Variants in MBNL2 observed in about 807,000 individuals in gnomAD.
The protein encoded by MBNL2 is muscleblind like splicing regulator 2.
Under a neutral mutation model 41.9 loss-of-function variants are expected in MBNL2, and 17 were observed. That is an observed-to-expected ratio of 0.41 (90% CI 0.28 to 0.61). MBNL2 has a LOEUF of 0.61. Among genes scored for constraint, MBNL2 ranks in the 20% least tolerant of loss-of-function variants. MBNL2 has a pLI of 0.35. For synonymous variants in MBNL2, 195 were observed against 182.9 expected (o/e 1.07, Z -0.53); for missense variants, 336 against 505.6 (o/e 0.66, Z 3.22).
the MBNL2 span, among the ~76,000 whole-genome samples, chr13:97,205,398 A>T: frequency 6.6e-6 from 1 of 150,442 alleles, no homozygotes; most frequent in African/African-American, 2.4e-5. Flanking sequence ...TAAAAAAAAT[A>T]AAAAATAAAA....
At chr13:97,337,818 T>A (rs2061020232) in intron 3 of MBNL2, among the ~76,000 whole-genome samples, 1 of 152,150 alleles carries the variant, frequency 6.6e-6, no homozygotes, top group African/African-American at 2.4e-5. Flanking sequence ...TAGAAACAAA[T>A]TAATTCAGTC....
the MBNL2 span, among the ~76,000 whole-genome samples, chr13:97,187,376 T>C: frequency 6.6e-6 from 1 of 151,694 alleles, no homozygotes; most frequent in African/African-American, 2.4e-5. Flanking sequence ...TTTGTCTAAG[T>C]AGCAAGTCAC....
the MBNL2 span, among the ~76,000 whole-genome samples, chr13:97,168,055 T>A: frequency 6.6e-6 from 1 of 152,182 alleles, no homozygotes; most frequent in Non-Finnish European, 1.5e-5. Context: ...AACCTCTGCC[T>A]CCCAGTTTCA....
At chr13:97,149,216 C>T in the MBNL2 span, among the ~76,000 whole-genome samples, 1 of 152,196 alleles carries the variant, frequency 6.6e-6, no homozygotes, top group Admixed American at 6.5e-5. Context: ...CCTAAGGTAC[C>T]TTCTCACTAG....
At chr13:97,246,493 C>A (rs1053899059) in intron 1 of MBNL2, among the ~76,000 whole-genome samples, 1 of 152,036 alleles carries the variant, frequency 6.6e-6, no homozygotes, top group African/African-American at 2.4e-5. Context: ...GTCAGCAGTG[C>A]GTGTAAGAAA....
chr13:97,319,856 CTTCCGTGG>C (rs2059358112), intron 2 of MBNL2, among the ~76,000 whole-genome samples: 1 of 152,142 alleles, frequency 6.6e-6, no homozygotes, highest in Non-Finnish European at 1.5e-5. Flanking sequence ...TCTATTAAAT[CTTCCGTGG>C]GAAAAATCGG....
At chr13:97,281,772 C>T (rs1047452303) in intron 2 of MBNL2, among the ~76,000 whole-genome samples, 8 of 152,160 alleles carry the variant, frequency 5.3e-5, no homozygotes, top group Admixed American at 5.2e-4. Context: ...AGGTACTTTT[C>T]GTGCATTATC....
At chr13:97,380,630 A>G (rs1003516505) in intron 8 of MBNL2, among the ~76,000 whole-genome samples, 1 of 152,132 alleles carries the variant, frequency 6.6e-6, no homozygotes, top group Non-Finnish European at 1.5e-5. Context: ...CGATACACAA[A>G]TGTACAAATA....
chr13:97,211,837 G>T, the MBNL2 span, among the ~76,000 whole-genome samples: 1 of 152,204 alleles, frequency 6.6e-6, no homozygotes, highest in African/African-American at 2.4e-5. Context: ...GTCCTTGGGA[G>T]AATAGGCAGA....
At chr13:97,354,038 CCA>C in intron 5 of MBNL2, among the ~76,000 whole-genome samples, 1 of 107,676 alleles carries the variant, frequency 9.3e-6, no homozygotes, top group South Asian at 2.8e-4. Context: ...GGTCCTCAAT[CCA>C]AAAAAAAAAA....
At chr13:97,302,434 C>T (rs1457197040) in intron 2 of MBNL2, among the ~76,000 whole-genome samples, 3 of 152,134 alleles carry the variant, frequency 2.0e-5, no homozygotes, top group African/African-American at 4.8e-5. Flanking sequence ...AGCCTTGGAG[C>T]TCTCTGAGTA....
chr13:97,194,870 G>C, the MBNL2 span, among the ~76,000 whole-genome samples: 1 of 152,166 alleles, frequency 6.6e-6, no homozygotes, highest in African/African-American at 2.4e-5. Context: ...AAAAGGGAGA[G>C]GAACTCTCAT....
intron 2 of MBNL2, among the ~76,000 whole-genome samples, chr13:97,296,586 T>A (rs1228888668): frequency 1.3e-5 from 2 of 152,196 alleles, no homozygotes; most frequent in African/African-American, 2.4e-5. Flanking sequence ...GGCCCTTCAG[T>A]GAATCATCAT....
the MBNL2 span, among the ~76,000 whole-genome samples, chr13:97,174,844 G>GA: frequency 2.2e-4 from 32 of 147,620 alleles, no homozygotes; most frequent in Non-Finnish European, 3.8e-4. Flanking sequence ...CACTACCCTG[G>GA]AAAAAAAAAA....
chr13:97,177,630 TCAAA>T, the MBNL2 span, among the ~76,000 whole-genome samples: 1 of 152,162 alleles, frequency 6.6e-6, no homozygotes, highest in Non-Finnish European at 1.5e-5. Context: ...AAGAAAATCA[TCAAA>T]CAAATAATAT....
chr13:97,346,823 G>C lies in MBNL2; in HGVS notation c.560G>C (p.Arg187Pro). The change falls in exon 5 of 9, where the codon CGA becomes CCA. Residue 187 changes from arginine to proline, a missense_variant. By Grantham distance (103) the Arg-to-Pro change is moderately radical. Transcript: ENST00000679496. The surrounding 1 kb of genome is among the most constrained non-coding windows in gnomAD (Gnocchi z 4.2). ...TCTTAGGTATGCAGGGAGTTCCAGC[G>C]AGGAAACTGTGCCCGGGGAGAGACC... The part of the protein sequence containing the change: ...DKLEVCREFQ[R>P]GNCARGETDC... 1 of 1,614,008 alleles carries C rather than the reference G, an allele frequency of 6.2e-7. No homozygotes were observed. Among genetic ancestry groups the C allele is most frequent in the Non-Finnish European group, 8.5e-7 (1 of 1,179,908 alleles).
intron 2 of MBNL2, among the ~76,000 whole-genome samples, chr13:97,281,607 T>G (rs796204080): frequency 3.9e-5 from 6 of 152,358 alleles, no homozygotes; most frequent in African/African-American, 1.4e-4. Flanking sequence ...GTTCTTAAAT[T>G]GCTGCTGGGC....
chr13:97,236,131 A>T lies in MBNL2; in HGVS notation c.-605+13600A>T, dbSNP rs191366023. 7.3e-3 allele frequency among the ~76,000 whole-genome samples: 1,108 copies of T among 151,964 alleles called. 12 individuals carry two copies. The highest frequency in any genetic ancestry group is 0.036 in the South Asian group (171 of 4,812). ...TAGCAAGGACTGCATTTACCGACTT[A>T]TTTCCCTCTTTTTTTTCACGTATTC... is the stretch of plus-strand genomic sequence containing the variant. On this transcript the variant is annotated intron_variant, in intron 1 of 8. Coordinates refer to ENST00000679496, the MANE Select transcript of MBNL2 (RefSeq NM_001382683.1).
At position 97,268,673 on chromosome 13, in the gene MBNL2, G is replaced by A. The variant is rs2050326346; in HGVS notation, c.-604-6959G>A. Among the ~76,000 whole-genome samples, 1 of 152,188 alleles carries A rather than the reference G, an allele frequency of 6.6e-6. No homozygotes were observed. The highest frequency in any genetic ancestry group is 1.5e-5 in the Non-Finnish European group (1 of 68,032). ...TATTAAAATGCAAATATTCCTTGGA[G>A]GAGGATCAGGAGCTCATTCAACAAA... On this transcript the variant is annotated intron_variant, in intron 1 of 8. Coordinates refer to ENST00000679496, the MANE Select transcript of MBNL2 (RefSeq NM_001382683.1). The surrounding 1 kb of genome is among the most constrained non-coding windows in gnomAD (Gnocchi z 4.6).
Sources: gnomAD v4.1 joint callset for allele counts (sites outside exome capture counted in the v4.1 genomes callset) on GRCh38, gnomAD v4.1.1 for gene constraint, Gnocchi (gnomAD v3.1) non-coding constraint, MANE v1.5 for transcripts, NCBI Gene and HGNC (gene_info 2026-07-23, HGNC 2026-07-21) for gene names.